INSYN2A: variants seen among roughly 807,000 people sequenced by gnomAD.
INSYN2A encodes the protein inhibitory synaptic factor 2A, also known as family with sequence similarity 196 member A.
INSYN2A carries 17 observed loss-of-function variants against 39.4 expected under a neutral mutation model. The ratio of observed to expected loss-of-function variants is 0.43; its 90% CI spans 0.30 to 0.65. The LOEUF is 0.65. INSYN2A is among the 30% of genes least tolerant of loss of function. INSYN2A has a pLI of 0.14. For missense variants in INSYN2A, 595 were observed against 631.2 expected, an observed-to-expected ratio of 0.94 and a Z score of 0.61; for synonymous variants, 255 against 265.7, an observed-to-expected ratio of 0.96 and a Z score of 0.39.
chr10:127,155,306 G>A (rs1162555125), intron 4 of INSYN2A, among the ~76,000 whole-genome samples: 1 of 152,088 alleles, frequency 6.6e-6, no homozygotes, highest in Non-Finnish European at 1.5e-5. Flanking sequence ...TGCCGTGATT[G>A]TCTCAGTGGG....
intron 4 of INSYN2A, among the ~76,000 whole-genome samples, chr10:127,163,339 C>T (rs1407066451): frequency 4.6e-5 from 7 of 152,056 alleles, no homozygotes; most frequent in African/African-American, 1.7e-4. Context: ...TTCTCCGCCA[C>T]ATTTATCGCC....
chr10:127,140,559 A>G (rs1462768093), intron 5 of INSYN2A, among the ~76,000 whole-genome samples: 1 of 152,210 alleles, frequency 6.6e-6, no homozygotes, highest in South Asian at 2.1e-4. Context: ...AATAATGTGC[A>G]TTGTTCTGGA....
intron 4 of INSYN2A, among the ~76,000 whole-genome samples, chr10:127,171,078 T>C (rs1399376690): frequency 3.9e-5 from 6 of 152,242 alleles, no homozygotes. Context: ...TTGTAGATAC[T>C]GTATTTCAGT....
intron 5 of INSYN2A, among the ~76,000 whole-genome samples, chr10:127,141,529 C>G (rs1229508367): frequency 6.6e-6 from 1 of 152,064 alleles, no homozygotes; most frequent in Non-Finnish European, 1.5e-5. Context: ...ATGGTGAAAC[C>G]CCATCTGTAC....
chr10:127,172,180 C>G (rs1224670113), intron 4 of INSYN2A, among the ~76,000 whole-genome samples: 7 of 152,158 alleles, frequency 4.6e-5, no homozygotes. Flanking sequence ...ATAAAGTAAG[C>G]CCTGTGAATC....
intron 1 of INSYN2A, among the ~76,000 whole-genome samples, chr10:127,194,288 G>A (rs1389083631): frequency 6.6e-6 from 1 of 152,228 alleles, no homozygotes; most frequent in Non-Finnish European, 1.5e-5. Context: ...GTGAGGAGCA[G>A]TGCCATCTAA....
chr10:127,167,509 C>G (rs941819531), intron 4 of INSYN2A, among the ~76,000 whole-genome samples: 4 of 152,046 alleles, frequency 2.6e-5, no homozygotes, highest in Non-Finnish European at 4.4e-5. Context: ...GGTTCCCCCC[C>G]GCCCCGAAAC....
In INSYN2A at chr10:127,192,750, A is replaced by C. The variant is rs1374923854; in HGVS notation, c.-394-20T>G. 1 of 152,206 alleles carries C rather than the reference A, an allele frequency of 6.6e-6. No individual in the cohort carries two copies. The highest frequency in any genetic ancestry group is 2.4e-5 in the African/African-American group (1 of 41,460). The allele number at this position is 152,206 out of a possible 1,614,324, so 9.4% of individuals were successfully genotyped here. On this transcript the variant is annotated intron_variant, in intron 1 of 5. Transcript: ENST00000522781. ...CAGGATCTGAAACAGACACATTATCACACATGGTCCAAAGGTTCAAACCTA... is the reference window on the plus strand; with the variant it reads ...CAGGATCTGAAACAGACACATTATCCCACATGGTCCAAAGGTTCAAACCTA...
At chr10:127,157,856 T>C (rs754479537) in intron 4 of INSYN2A, among the ~76,000 whole-genome samples, 19 of 152,232 alleles carry the variant, frequency 1.2e-4, no homozygotes, top group Non-Finnish European at 2.6e-4. Context: ...AGGAGATTAA[T>C]TTGTGAATAA....
At chr10:127,150,516 G>T (rs2052386593) in intron 5 of INSYN2A, among the ~76,000 whole-genome samples, 1 of 152,182 alleles carries the variant, frequency 6.6e-6, no homozygotes, top group Non-Finnish European at 1.5e-5. Flanking sequence ...GACATAAGTG[G>T]TGCACCCATG....
At chr10:127,180,256 A>G (rs1445322708) in intron 2 of INSYN2A, among the ~76,000 whole-genome samples, 4 of 152,204 alleles carry the variant, frequency 2.6e-5, no homozygotes, top group Admixed American at 2.6e-4. Flanking sequence ...TGGAGCACTG[A>G]GTGAATGTTG....
rs556580150 is a variant in INSYN2A at position 127,175,021 on chromosome 10, G to C, written c.1184+191C>G. ...ATGAACATTAACCAGAAAGCGTATC[G>C]TGCAGGATGCAGTGACGTCTAGTAT... On this transcript the variant is annotated intron_variant, in intron 4 of 5. Coordinates refer to ENST00000522781, the MANE Select transcript of INSYN2A (RefSeq NM_001039762.3). The surrounding 1 kb of genome is among the most constrained non-coding windows in gnomAD (Gnocchi z 6.3). 1.3e-5 allele frequency among the ~76,000 whole-genome samples: 2 copies of C among 152,246 alleles called. No individual in the cohort carries two copies. Among genetic ancestry groups the C allele is most frequent in the African/African-American group, 4.8e-5 (2 of 41,548 alleles).
chr10:127,160,884 G>T (rs1038868491), intron 4 of INSYN2A, among the ~76,000 whole-genome samples: 1 of 152,176 alleles, frequency 6.6e-6, no homozygotes, highest in Admixed American at 6.5e-5. Flanking sequence ...TTGTGCACTA[G>T]CTGTCTCTTC....
intron 2 of INSYN2A, among the ~76,000 whole-genome samples, chr10:127,191,515 T>A (rs2056755491): frequency 1.3e-5 from 2 of 152,204 alleles, no homozygotes; most frequent in Non-Finnish European, 2.9e-5. Context: ...TAAGCAGATT[T>A]CACTGTACAA....
At chr10:127,145,584 C>G (rs1290845339) in intron 5 of INSYN2A, among the ~76,000 whole-genome samples, 1 of 152,180 alleles carries the variant, frequency 6.6e-6, no homozygotes, top group Non-Finnish European at 1.5e-5. Context: ...CCAACCCAAC[C>G]CTGAGTGGGA....
intron 2 of INSYN2A, among the ~76,000 whole-genome samples, chr10:127,177,655 GCTGCCGAC>G (rs1200593271): frequency 6.6e-6 from 1 of 152,220 alleles, no homozygotes; most frequent in Non-Finnish European, 1.5e-5. Flanking sequence ...CCCCAGCCCA[GCTGCCGAC>G]CTTGTGCCCT....
At chr10:127,174,473 T>C (rs1229027433) in intron 4 of INSYN2A, among the ~76,000 whole-genome samples, 1 of 152,238 alleles carries the variant, frequency 6.6e-6, no homozygotes, top group African/African-American at 2.4e-5. Context: ...TTAAAGATGC[T>C]GCTGCACAGT....
At chr10:127,165,239 A>T (rs2133745902) in intron 4 of INSYN2A, among the ~76,000 whole-genome samples, 1 of 152,330 alleles carries the variant, frequency 6.6e-6, no homozygotes, top group Non-Finnish European at 1.5e-5. Context: ...GTGTGTTTTT[A>T]GATCAAGCTT....
chr10:127,186,260 G>A lies in INSYN2A; in HGVS notation c.-269+6345C>T, dbSNP rs145523419. On this transcript the variant is annotated intron_variant, in intron 2 of 5. Transcript: ENST00000522781. ...AGGACAGGTGTTTAACGGACTCTCC[G>A]TTCTGCATTGCTGGGGAGGCCTCAA... Among the ~76,000 whole-genome samples the A allele has an allele frequency of 5.9e-3, 897 of 152,284 alleles. 9 individuals carry two copies. The highest frequency in any genetic ancestry group is 6.3e-3 in the Non-Finnish European group (430 of 68,020).
Sources: allele counts gnomAD v4.1 joint callset (sites outside exome capture counted in the v4.1 genomes callset), GRCh38; gene constraint gnomAD v4.1.1; non-coding constraint Gnocchi (gnomAD v3.1); transcripts MANE v1.5; gene names NCBI Gene and HGNC (gene_info 2026-07-23, HGNC 2026-07-21).